GRIP1: variants seen among roughly 807,000 people sequenced by gnomAD.
GRIP1 encodes the protein glutamate receptor interacting protein 1.
A neutral mutation model predicts 129.9 loss-of-function variants in GRIP1; 45 were observed. The observed-to-expected ratio is 0.35, with a 90% CI of 0.27 to 0.44. GRIP1 has a LOEUF of 0.44. Among genes scored for constraint, GRIP1 ranks in the 20% least tolerant of loss-of-function variants. The probability of loss-of-function intolerance (pLI) is 1.00; values close to 1 mark genes in which losing one functional copy is unlikely to be tolerated. For synonymous variants in GRIP1, 530 were observed against 520.8 expected, an observed-to-expected ratio of 1.02 and a Z score of -0.24; for missense variants, 1,196 against 1,396.8, an observed-to-expected ratio of 0.86 and a Z score of 2.29.
At chr12:67,032,528 T>C (rs1318874828) in intron 1 of GRIP1, among the ~76,000 whole-genome samples, 1 of 152,218 alleles carries the variant, frequency 6.6e-6, no homozygotes, top group African/African-American at 2.4e-5. Flanking sequence ...TGAATATCTA[T>C]ACCAGGAATT....
At chr12:66,532,550 A>C (rs1043889219) in intron 4 of GRIP1, among the ~76,000 whole-genome samples, 1 of 152,112 alleles carries the variant, frequency 6.6e-6, no homozygotes, top group African/African-American at 2.4e-5. Flanking sequence ...TTCCTACCTC[A>C]TTATGCTGCA....
intron 2 of GRIP1, among the ~76,000 whole-genome samples, chr12:66,559,417 T>A (rs2062442845): frequency 6.6e-6 from 1 of 152,134 alleles, no homozygotes; most frequent in Non-Finnish European, 1.5e-5. Flanking sequence ...AATGACATGA[T>A]CTTATATTTG....
intron 1 of GRIP1, among the ~76,000 whole-genome samples, chr12:66,940,293 A>G (rs953663356): frequency 6.6e-6 from 1 of 152,122 alleles, no homozygotes; most frequent in East Asian, 1.9e-4. Flanking sequence ...TAGAACTTCA[A>G]TCTCATCACC....
At chr12:66,778,761 G>A (rs2038066821) in intron 1 of GRIP1, among the ~76,000 whole-genome samples, 1 of 152,156 alleles carries the variant, frequency 6.6e-6, no homozygotes, top group African/African-American at 2.4e-5. Flanking sequence ...ATTTCTATAT[G>A]TAAACAGTCT....
intron 7 of GRIP1, among the ~76,000 whole-genome samples, chr12:66,465,823 C>T (rs975103914): frequency 1.3e-4 from 20 of 149,822 alleles, no homozygotes; most frequent in African/African-American, 4.2e-4. Flanking sequence ...AATAAATAGA[C>T]GGATGGATGA....
intron 1 of GRIP1, among the ~76,000 whole-genome samples, chr12:66,723,172 G>C (rs2036112287): frequency 6.7e-6 from 1 of 148,936 alleles, no homozygotes; most frequent in Non-Finnish European, 1.5e-5. Flanking sequence ...TATACACATG[G>C]GAATCTTCCA....
intron 14 of GRIP1, among the ~76,000 whole-genome samples, chr12:66,430,241 T>C (rs973753757): frequency 1.3e-5 from 2 of 152,188 alleles, no homozygotes; most frequent in Non-Finnish European, 2.9e-5. Context: ...GTCTGCTTTG[T>C]CATCTGGCAA....
chr12:66,825,212 G>T (rs1041568304), intron 1 of GRIP1, among the ~76,000 whole-genome samples: 2 of 152,076 alleles, frequency 1.3e-5, no homozygotes, highest in African/African-American at 4.8e-5. Flanking sequence ...ACAATTCATA[G>T]GGTCAAATTT....
chr12:66,773,908 C>G (rs2037898488), intron 1 of GRIP1, among the ~76,000 whole-genome samples: 2 of 151,946 alleles, frequency 1.3e-5, no homozygotes, highest in African/African-American at 4.8e-5. Context: ...TAAGTGGACT[C>G]AAGACTTCAC....
chr12:66,801,285 G>T (rs948737585), intron 1 of GRIP1, among the ~76,000 whole-genome samples: 1 of 152,112 alleles, frequency 6.6e-6, no homozygotes, highest in East Asian at 1.9e-4. Flanking sequence ...ATAGATGAGT[G>T]ATGAAAGCAG....
intron 23 of GRIP1, among the ~76,000 whole-genome samples, chr12:66,369,115 G>C (rs770941008): frequency 4.6e-5 from 7 of 152,168 alleles, no homozygotes; most frequent in Non-Finnish European, 1.0e-4. Context: ...AGAAAAAAAA[G>C]TGAAGCTTCA....
At chr12:66,659,966 T>G (rs1015663156) in intron 1 of GRIP1, among the ~76,000 whole-genome samples, 1 of 152,198 alleles carries the variant, frequency 6.6e-6, no homozygotes, top group Non-Finnish European at 1.5e-5. Flanking sequence ...AAGGGTTGTT[T>G]TTCTATTAAA....
intron 1 of GRIP1, among the ~76,000 whole-genome samples, chr12:66,621,884 T>A (rs2065283823): frequency 6.6e-6 from 1 of 152,176 alleles, no homozygotes; most frequent in African/African-American, 2.4e-5. Flanking sequence ...GGCCCATTTG[T>A]GTATCTTCTT....
At chr12:66,974,742 T>C (rs1009489109) in intron 1 of GRIP1, among the ~76,000 whole-genome samples, 1 of 152,196 alleles carries the variant, frequency 6.6e-6, no homozygotes, top group Non-Finnish European at 1.5e-5. Flanking sequence ...TTCCTTATGA[T>C]AAATTCTTAG....
chr12:66,840,395 T>C (rs889498159), intron 1 of GRIP1, among the ~76,000 whole-genome samples: 1 of 152,140 alleles, frequency 6.6e-6, no homozygotes, highest in Admixed American at 6.5e-5. Context: ...ATTTTTCTAA[T>C]GTTAATCTGC....
At chr12:66,403,120 G>A in intron 16 of GRIP1, among the ~76,000 whole-genome samples, 1 of 149,250 alleles carries the variant, frequency 6.7e-6, no homozygotes, top group Non-Finnish European at 1.5e-5. Flanking sequence ...TTTAAACTGA[G>A]GTCTGATTTT....
At chr12:66,981,031 T>C (rs905838472) in intron 1 of GRIP1, among the ~76,000 whole-genome samples, 2 of 152,186 alleles carry the variant, frequency 1.3e-5, no homozygotes, top group Non-Finnish European at 2.9e-5. Context: ...AGGTTAAGTA[T>C]TTTGATTTAA....
At chr12:66,639,065 C>T (rs2031681426) in intron 1 of GRIP1, among the ~76,000 whole-genome samples, 1 of 145,042 alleles carries the variant, frequency 6.9e-6, no homozygotes, top group Admixed American at 6.8e-5. Flanking sequence ...TAACAAGAGG[C>T]TAATAAATGG....
chr12:66,585,996 T>C (rs1197602351), intron 2 of GRIP1, among the ~76,000 whole-genome samples: 2 of 152,168 alleles, frequency 1.3e-5, no homozygotes, highest in Admixed American at 1.3e-4. Flanking sequence ...CACTATATCA[T>C]CCGCATCAGC....
Sources: gnomAD v4.1 joint callset for allele counts (sites outside exome capture counted in the v4.1 genomes callset) on GRCh38, gnomAD v4.1.1 for gene constraint, MANE v1.5 for transcripts, NCBI Gene and HGNC (gene_info 2026-07-23, HGNC 2026-07-21) for gene names.